The following TMEM132D variants were observed in gnomAD, a reference collection of about 807,000 sequenced individuals.
The protein encoded by TMEM132D is mature OL transmembrane protein.
In TMEM132D, 21 loss-of-function variants were observed where a neutral mutation model predicts 62.3. The observed-to-expected ratio is 0.34, with a 90% CI of 0.24 to 0.49. The LOEUF (loss-of-function observed/expected upper bound fraction) is 0.49. Among genes scored for constraint, TMEM132D ranks in the 20% least tolerant of loss-of-function variants. TMEM132D has a pLI of 0.99. For synonymous variants in TMEM132D, 621 were observed against 575.6 expected (o/e 1.08, Z -1.13); for missense variants, 1,346 against 1,402.8 (o/e 0.96, Z 0.65).
intron 3 of TMEM132D, among the ~76,000 whole-genome samples, chr12:129,502,325 G>A (rs61945369): frequency 0.078 from 11,838 of 152,088 alleles, 544 homozygotes; most frequent in South Asian, 0.17. Context: ...ATCCAAGTTC[G>A]CTACCATTGC....
At chr12:129,653,648 C>T (rs1294014084) in intron 2 of TMEM132D, among the ~76,000 whole-genome samples, 1 of 152,134 alleles carries the variant, frequency 6.6e-6, no homozygotes, top group African/African-American at 2.4e-5. Flanking sequence ...GTTTCCCAAC[C>T]CTTATTGTTG....
intron 3 of TMEM132D, among the ~76,000 whole-genome samples, chr12:129,509,183 T>C (rs1234934709): frequency 6.6e-6 from 1 of 152,184 alleles, no homozygotes; most frequent in Non-Finnish European, 1.5e-5. Flanking sequence ...AGAAACTTGT[T>C]CTCTCCTACT....
intron 1 of TMEM132D, among the ~76,000 whole-genome samples, chr12:129,749,789 A>G (rs1257210057): frequency 6.6e-6 from 1 of 151,954 alleles, no homozygotes; most frequent in Non-Finnish European, 1.5e-5. Context: ...TAATGGGTGA[A>G]ACTTCCTTCA....
rs182611888 is a variant in TMEM132D, at chr12:129,354,160, G to A, written c.1116-16343C>T. On this transcript the variant is annotated intron_variant, in intron 3 of 8. Transcript: ENST00000422113. ...CTGTCCTTCAGGGCTGAGGCACAGA[G>A]ACCTGAAAACAAAAGCTAAAGTGAA... Among the ~76,000 whole-genome samples the A allele has an allele frequency of 1.9e-4, 29 of 152,066 alleles. No individual in the cohort carries two copies. In the East Asian group the frequency reaches 4.9e-3, roughly 26 times the overall value.
At chr12:129,221,744 T>A (rs1212288484) in intron 4 of TMEM132D, among the ~76,000 whole-genome samples, 1 of 152,122 alleles carries the variant, frequency 6.6e-6, no homozygotes, top group African/African-American at 2.4e-5. Context: ...TAACAACCAA[T>A]CACCCTGTCC....
intron 1 of TMEM132D, among the ~76,000 whole-genome samples, chr12:129,815,278 T>C (rs1016564055): frequency 3.3e-5 from 5 of 152,216 alleles, no homozygotes; most frequent in Non-Finnish European, 7.3e-5. Flanking sequence ...AAATCCAGAA[T>C]GCATTGTTGA....
chr12:129,767,317 G>A (rs576695134), intron 1 of TMEM132D, among the ~76,000 whole-genome samples: 76 of 152,184 alleles, frequency 5.0e-4, no homozygotes, highest in African/African-American at 1.6e-3. Flanking sequence ...AATCTGTCTC[G>A]TGTTAATTTG....
chr12:129,241,043 TATAA>T (rs1163872952), intron 4 of TMEM132D, among the ~76,000 whole-genome samples: 1 of 151,276 alleles, frequency 6.6e-6, no homozygotes, highest in Admixed American at 6.6e-5. Flanking sequence ...GTTTGGGTGA[TATAA>T]ATAGTTTACT....
At chr12:129,677,501 A>C (rs534089938) in intron 2 of TMEM132D, among the ~76,000 whole-genome samples, 4 of 152,346 alleles carry the variant, frequency 2.6e-5, no homozygotes, top group Non-Finnish European at 4.4e-5. Flanking sequence ...TGCTGTGAAG[A>C]GGTCTAAAGC....
intron 5 of TMEM132D, among the ~76,000 whole-genome samples, chr12:129,095,865 G>C (rs1056410415): frequency 3.3e-5 from 5 of 152,028 alleles, no homozygotes; most frequent in South Asian, 2.1e-4. Flanking sequence ...CCTGCTCCTT[G>C]GTATTTTTTT....
intron 4 of TMEM132D, among the ~76,000 whole-genome samples, chr12:129,293,204 C>T (rs933473275): frequency 6.6e-6 from 1 of 152,032 alleles, no homozygotes; most frequent in Non-Finnish European, 1.5e-5. Flanking sequence ...AGAAGTAGCC[C>T]CAAGAGCCTC....
intron 3 of TMEM132D, among the ~76,000 whole-genome samples, chr12:129,453,967 T>C (rs1873382700): frequency 6.6e-6 from 1 of 152,220 alleles, no homozygotes; most frequent in Non-Finnish European, 1.5e-5. Context: ...AAGAGAAGGA[T>C]GGTTTTCCAA....
At chr12:129,178,433 GTT>G (rs60615317) in intron 5 of TMEM132D, among the ~76,000 whole-genome samples, 43,286 of 140,964 alleles carry the variant, frequency 0.31, 6,750 homozygotes, top group East Asian at 0.53. Context: ...ACCAGCATCT[GTT>G]TTTTTTTTTT....
intron 2 of TMEM132D, among the ~76,000 whole-genome samples, chr12:129,543,536 G>A (rs1293510078): frequency 6.6e-6 from 1 of 152,106 alleles, no homozygotes; most frequent in Non-Finnish European, 1.5e-5. Flanking sequence ...GCTTAGCCTG[G>A]CCTACTGTGA....
At chr12:129,314,098 A>G (rs1284109590) in intron 4 of TMEM132D, among the ~76,000 whole-genome samples, 1 of 152,108 alleles carries the variant, frequency 6.6e-6, no homozygotes, top group East Asian at 1.9e-4. Flanking sequence ...TAGATTCTGG[A>G]TATCAGTCCT....
chr12:129,596,090 T>C (rs1324846103), intron 2 of TMEM132D, among the ~76,000 whole-genome samples: 3 of 152,180 alleles, frequency 2.0e-5, no homozygotes, highest in Non-Finnish European at 4.4e-5. Flanking sequence ...GATAATGTGA[T>C]AGAGCACAAT....
At chr12:129,248,995 A>C (rs1314612766) in intron 4 of TMEM132D, among the ~76,000 whole-genome samples, 1 of 152,168 alleles carries the variant, frequency 6.6e-6, no homozygotes, top group Non-Finnish European at 1.5e-5. Context: ...ACAACACCAA[A>C]GACATGGAAT....
intron 5 of TMEM132D, among the ~76,000 whole-genome samples, chr12:129,128,743 C>T (rs968618879): frequency 6.6e-6 from 1 of 152,074 alleles, no homozygotes; most frequent in African/African-American, 2.4e-5. Context: ...ACCCTCACCC[C>T]CTCCCATCCT....
chr12:129,502,165 A>C (rs1163885740), intron 3 of TMEM132D, among the ~76,000 whole-genome samples: 1 of 151,858 alleles, frequency 6.6e-6, no homozygotes, highest in Non-Finnish European at 1.5e-5. Flanking sequence ...ACGCCCGGCT[A>C]ATTTTTTGTA....
Sources: gnomAD v4.1 joint callset for allele counts (sites outside exome capture counted in the v4.1 genomes callset) on GRCh38, gnomAD v4.1.1 for gene constraint, MANE v1.5 for transcripts, NCBI Gene and HGNC (gene_info 2026-07-23, HGNC 2026-07-21) for gene names.